The following CALN1 variants were observed in gnomAD, a reference collection of about 807,000 sequenced individuals.
CALN1 encodes calcium-binding protein 8.
Under a neutral mutation model 30.6 loss-of-function variants are expected in CALN1, and 17 were observed. That is an observed-to-expected ratio of 0.56 (90% CI 0.38 to 0.83). The LOEUF (loss-of-function observed/expected upper bound fraction) is 0.83, where lower values mean the gene tolerates loss of function less well. Among genes scored for constraint, CALN1 ranks in the 40% least tolerant of loss-of-function variants. The pLI, the probability that CALN1 is intolerant of heterozygous loss-of-function variation, is 0.00. For missense variants in CALN1, 291 were observed against 354.9 expected (o/e 0.82, Z 1.45); for synonymous variants, 156 against 131.4 (o/e 1.19, Z -1.28).
At chr7:72,324,812 G>A (rs1473179908) in intron 2 of CALN1, among the ~76,000 whole-genome samples, 1 of 151,918 alleles carries the variant, frequency 6.6e-6, no homozygotes, top group African/African-American at 2.4e-5. Flanking sequence ...TTGAACTCGT[G>A]ACCTCAAGTG....
chr7:71,867,662 C>T (rs12536303), intron 5 of CALN1, among the ~76,000 whole-genome samples: 17,322 of 152,034 alleles, frequency 0.11, 1,449 homozygotes, highest in East Asian at 0.43. Context: ...CTCGATCTTT[C>T]GACCTCGTGA....
chr7:72,126,914 T>G (rs1808806820), intron 3 of CALN1, among the ~76,000 whole-genome samples: 1 of 151,984 alleles, frequency 6.6e-6, no homozygotes, highest in Non-Finnish European at 1.5e-5. Context: ...CCATAAAGAA[T>G]TAAATCACCA....
chr7:72,135,666 A>G (rs1254815867), intron 3 of CALN1, among the ~76,000 whole-genome samples: 2 of 152,214 alleles, frequency 1.3e-5, no homozygotes, highest in Non-Finnish European at 2.9e-5. Flanking sequence ...ATTTACTATC[A>G]TTCTGAAGGT....
chr7:72,368,007 G>C (rs2129560152), intron 2 of CALN1, among the ~76,000 whole-genome samples: 1 of 152,008 alleles, frequency 6.6e-6, no homozygotes, highest in Non-Finnish European at 1.5e-5. Context: ...GTGGCAGGCA[G>C]CTACTCAGGA....
intron 2 of CALN1, chr7:72,336,998 C>T: frequency 1.0e-6 from 1 of 985,564 alleles, no homozygotes; most frequent in Non-Finnish European, 1.2e-6. Flanking sequence ...TCCTTGTCCT[C>T]TGCTCTCGTC....
chr7:72,005,386 T>C (rs976928605), intron 5 of CALN1, among the ~76,000 whole-genome samples: 1 of 152,150 alleles, frequency 6.6e-6, no homozygotes, highest in African/African-American at 2.4e-5. Flanking sequence ...TGGAGTTCAG[T>C]GGCGTGATCA....
chr7:71,914,383 C>A (rs1794584450), intron 5 of CALN1, among the ~76,000 whole-genome samples: 1 of 152,218 alleles, frequency 6.6e-6, no homozygotes, highest in South Asian at 2.1e-4. Flanking sequence ...AGGACATGAT[C>A]TCATCCTTTT....
intron 2 of CALN1, among the ~76,000 whole-genome samples, chr7:72,281,261 G>C (rs1797719409): frequency 6.6e-6 from 1 of 152,138 alleles, no homozygotes; most frequent in African/African-American, 2.4e-5. Flanking sequence ...GAAAGATGTA[G>C]GACCCTTGCC....
intron 5 of CALN1, among the ~76,000 whole-genome samples, chr7:71,918,236 G>A (rs1189760182): frequency 2.0e-5 from 3 of 152,144 alleles, no homozygotes; most frequent in African/African-American, 4.8e-5. Flanking sequence ...ACTTTCATGA[G>A]GACCTGAGAA....
intron 5 of CALN1, among the ~76,000 whole-genome samples, chr7:72,023,094 G>A (rs1003685): frequency 6.6e-6 from 1 of 151,922 alleles, no homozygotes; most frequent in East Asian, 1.9e-4. Context: ...TAAAATAATT[G>A]TCACATTTTA....
At chr7:72,449,708 T>A (rs1808621465), upstream of CALN1, among the ~76,000 whole-genome samples, 3 of 151,412 alleles carry the variant, frequency 2.0e-5, no homozygotes, top group Middle Eastern at 3.4e-3. Context: ...CCGTCTCTAC[T>A]AAAAAAACAC....
At chr7:72,220,671 T>A (rs2129549449) in intron 3 of CALN1, among the ~76,000 whole-genome samples, 1 of 152,246 alleles carries the variant, frequency 6.6e-6, no homozygotes, top group East Asian at 1.9e-4. Context: ...AGTGTAAAAG[T>A]GTTCCTATTT....
At chr7:72,054,480 C>A (rs13246157) in intron 4 of CALN1, among the ~76,000 whole-genome samples, 1 of 73,610 alleles carries the variant, frequency 1.4e-5, no homozygotes, top group South Asian at 6.3e-4. Context: ...TATATACATA[C>A]ATATATATAT....
In CALN1 at chr7:72,142,090, G is replaced by A. The variant is rs148887848; in HGVS notation, c.245-35796C>T. On this transcript the variant is annotated intron_variant, in intron 3 of 6. Coordinates refer to ENST00000395275, the MANE Select transcript of CALN1 (RefSeq NM_031468.4). Reference sequence around the variant, plus strand: ...TTTCTGCATTTCCAACTGAGGTACCGGGTTCATCTCACTGGGGATTGTCAG... The same window carrying A: ...TTTCTGCATTTCCAACTGAGGTACCAGGTTCATCTCACTGGGGATTGTCAG... 5.1e-3 allele frequency among the ~76,000 whole-genome samples: 778 copies of A among 152,290 alleles called. 8 individuals are homozygous for A. The highest frequency in any genetic ancestry group is 0.016 in the African/African-American group (665 of 41,542).
At chr7:72,451,985 C>A (rs1331160680), upstream of CALN1, among the ~76,000 whole-genome samples, 1 of 152,052 alleles carries the variant, frequency 6.6e-6, no homozygotes, top group African/African-American at 2.4e-5. Flanking sequence ...GCCTGGGCAA[C>A]AAGTGATACC....
At chr7:71,937,011 A>G (rs1485655962) in intron 5 of CALN1, among the ~76,000 whole-genome samples, 2 of 152,190 alleles carry the variant, frequency 1.3e-5, no homozygotes, top group South Asian at 2.1e-4. Context: ...TGTAAGTCCA[A>G]TTAAACCTCT....
intron 3 of CALN1, among the ~76,000 whole-genome samples, chr7:72,236,617 C>T (rs186453483): frequency 8.5e-4 from 130 of 152,280 alleles, no homozygotes; most frequent in African/African-American, 3.0e-3. Context: ...TGGTGGAAAA[C>T]GCCAGGCTCA....
intron 4 of CALN1, among the ~76,000 whole-genome samples, chr7:72,031,310 C>T (rs1162952907): frequency 1.3e-5 from 2 of 152,172 alleles, no homozygotes. Context: ...GGTCAGCCAC[C>T]AGAGGCCATT....
chr7:72,059,311 A>G (rs1175390860), intron 4 of CALN1, among the ~76,000 whole-genome samples: 1 of 152,198 alleles, frequency 6.6e-6, no homozygotes, highest in East Asian at 1.9e-4. Flanking sequence ...TAGGGATGGT[A>G]TATTAAAGGA....
Sources: gnomAD v4.1 joint callset for allele counts (sites outside exome capture counted in the v4.1 genomes callset) on GRCh38, gnomAD v4.1.1 for gene constraint, MANE v1.5 for transcripts, NCBI Gene and HGNC (gene_info 2026-07-23, HGNC 2026-07-21) for gene names.